CNTNAP4: variants seen among roughly 807,000 people sequenced by gnomAD.
The protein encoded by CNTNAP4 is contactin associated protein family member 4.
Under a neutral mutation model 148.4 loss-of-function variants are expected in CNTNAP4, and 98 were observed. The observed-to-expected ratio is 0.66, with a 90% CI of 0.56 to 0.78. The LOEUF is 0.78. Among genes scored for constraint, CNTNAP4 ranks in the 30% least tolerant of loss-of-function variants. CNTNAP4 has a pLI of 0.00. For missense variants in CNTNAP4, 1,935 were observed against 1,565.6 expected, an observed-to-expected ratio of 1.24 and a Z score of -3.98; for synonymous variants, 730 against 565.1, an observed-to-expected ratio of 1.29 and a Z score of -4.14.
intron 3 of CNTNAP4, among the ~76,000 whole-genome samples, chr16:76,366,418 A>G (rs1196575840): frequency 6.6e-6 from 1 of 152,334 alleles, no homozygotes; most frequent in East Asian, 1.9e-4. Context: ...TTTGCTAATG[A>G]TAATGGCCTC....
At chr16:76,537,710 CCTAA>C (rs908245552) in intron 18 of CNTNAP4, among the ~76,000 whole-genome samples, 2 of 152,078 alleles carry the variant, frequency 1.3e-5, no homozygotes, top group Non-Finnish European at 1.5e-5. Context: ...ATCCTTCCTT[CCTAA>C]CTATTTTGTA....
chr16:76,317,300 A>C lies in CNTNAP4; in HGVS notation c.196+777A>C, dbSNP rs890299774. 2.5e-3 allele frequency among the ~76,000 whole-genome samples: 292 copies of C among 118,780 alleles called. 6 individuals carry two copies. The highest frequency in any genetic ancestry group is 7.9e-3 in the African/African-American group (270 of 34,384). 77.9% of individuals were successfully genotyped at this position (118,780 alleles called of 152,430 possible). A position where few individuals can be genotyped will look rare whatever the true frequency, so the allele number is the denominator to read the frequency against. ...AACCAAAAAAAAAAAAACCCAAAAA[A>C]CCCCCCAAAAAAAAAAACTCAGTTC... On this transcript the variant is annotated intron_variant, in intron 2 of 23. Transcript: ENST00000611870.
At chr16:76,410,994 C>T (rs898574021) in intron 3 of CNTNAP4, among the ~76,000 whole-genome samples, 7 of 151,314 alleles carry the variant, frequency 4.6e-5, no homozygotes, top group Non-Finnish European at 8.9e-5. Flanking sequence ...GTCTAATGTA[C>T]ATCACAATAT....
In CNTNAP4 at chr16:76,558,492, C is replaced by T. The variant is rs750628593; in HGVS notation, c.3736C>T (p.Leu1246=). The T allele has an allele frequency of 6.3e-7, 1 of 1,578,514 alleles. No homozygotes were observed. Among genetic ancestry groups the T allele is most frequent in the Non-Finnish European group, 8.7e-7 (1 of 1,149,512 alleles). ...IKSDSAVIGG[L]IAVVIFILLC... Reference sequence around the variant, plus strand: ...TTATATTTCTTTTCTCTCTCTAGGTCTGATAGCTGTTGTGATTTTTATCTT... The same window carrying T: ...TTATATTTCTTTTCTCTCTCTAGGTTTGATAGCTGTTGTGATTTTTATCTT... Residue 1246 remains leucine (L), a splice_region_variant and synonymous_variant, in exon 24 of 24, where the codon CTG becomes TTG. Transcript: ENST00000611870.
At chr16:76,344,115 A>G (rs1387857238) in intron 2 of CNTNAP4, among the ~76,000 whole-genome samples, 1 of 152,214 alleles carries the variant, frequency 6.6e-6, no homozygotes, top group South Asian at 2.1e-4. Context: ...CCACCCTATC[A>G]GTCTATTGTA....
chr16:76,540,885 G>C, intron 21 of CNTNAP4, 95 bp downstream of exon 21: 1 of 786,060 alleles, frequency 1.3e-6, no homozygotes, highest in Admixed American at 2.3e-5. Flanking sequence ...ACTTCGTCAT[G>C]GCAAAGGAAA....
chr16:76,373,203 A>G (rs1312391197), intron 3 of CNTNAP4, among the ~76,000 whole-genome samples: 2 of 151,748 alleles, frequency 1.3e-5, no homozygotes, highest in South Asian at 4.2e-4. Context: ...AAATAGGTGA[A>G]TATATTCCAC....
intron 3 of CNTNAP4, among the ~76,000 whole-genome samples, chr16:76,391,025 T>G (rs1263955659): frequency 6.6e-6 from 1 of 152,138 alleles, no homozygotes; most frequent in Non-Finnish European, 1.5e-5. Context: ...CCAATTACAA[T>G]CTTTAAGTTA....
At chr16:76,337,892 C>T (rs1964152471) in intron 2 of CNTNAP4, among the ~76,000 whole-genome samples, 2 of 152,196 alleles carry the variant, frequency 1.3e-5, no homozygotes, top group African/African-American at 4.8e-5. Flanking sequence ...TTCTGCCTGA[C>T]CCCGCAGGCA....
chr16:76,453,403 A>G (rs2080594497), intron 8 of CNTNAP4, among the ~76,000 whole-genome samples: 1 of 152,190 alleles, frequency 6.6e-6, no homozygotes, highest in Non-Finnish European at 1.5e-5. Flanking sequence ...CTATATGAGT[A>G]TCTGGATAAT....
At chr16:76,384,207 C>G (rs1416154003) in intron 3 of CNTNAP4, among the ~76,000 whole-genome samples, 1 of 151,914 alleles carries the variant, frequency 6.6e-6, no homozygotes, top group East Asian at 1.9e-4. Flanking sequence ...CCATGCCTGG[C>G]TAATTTTTGT....
At chr16:76,456,992 G>A (rs2080758173) in intron 8 of CNTNAP4, among the ~76,000 whole-genome samples, 1 of 152,144 alleles carries the variant, frequency 6.6e-6, no homozygotes, top group African/African-American at 2.4e-5. Flanking sequence ...TTTGTTATAA[G>A]TAATACCTCA....
intron 3 of CNTNAP4, among the ~76,000 whole-genome samples, chr16:76,420,151 C>T (rs990592966): frequency 5.3e-5 from 4 of 75,948 alleles, no homozygotes; most frequent in Non-Finnish European, 1.5e-4. Flanking sequence ...GAGATGGGTA[C>T]TGTGTGTGTG....
In CNTNAP4 at chr16:76,378,817, T is replaced by C. The variant is rs536442136; in HGVS notation, c.390+23306T>C. Among the ~76,000 whole-genome samples, 8 of 152,288 alleles carry C rather than the reference T, an allele frequency of 5.3e-5. No individual in the cohort carries two copies. In the South Asian group the frequency reaches 1.7e-3, roughly 32 times the overall value. On this transcript the variant is annotated intron_variant, in intron 3 of 23. Transcript: ENST00000611870. ...TGAGGGAGAAAACCCGGCCCAGCTG[T>C]TCTCACCTAGGGTCGGCCAAGAGGA...
At chr16:76,466,268 T>C (rs938595754) in intron 9 of CNTNAP4, among the ~76,000 whole-genome samples, 6 of 152,106 alleles carry the variant, frequency 3.9e-5, no homozygotes, top group Admixed American at 2.6e-4. Flanking sequence ...GGAAGGGTAG[T>C]GGAGTTTGGG....
intron 1 of CNTNAP4, among the ~76,000 whole-genome samples, chr16:76,307,395 T>C (rs1027047061): frequency 1.3e-5 from 2 of 151,390 alleles, no homozygotes; most frequent in African/African-American, 4.9e-5. Context: ...GGAGACTAAA[T>C]TGATATTATC....
At chr16:76,290,519 T>C (rs1192939645) in intron 1 of CNTNAP4, among the ~76,000 whole-genome samples, 1 of 152,160 alleles carries the variant, frequency 6.6e-6, no homozygotes, top group Non-Finnish European at 1.5e-5. Flanking sequence ...CTCCTCTGAG[T>C]GTACACTGTC....
In CNTNAP4 at chr16:76,553,507, T is replaced by G. The variant is rs374684746; in HGVS notation, c.3661+6T>G. ...AAGGACACACTCGTTTGCAGGTGAC[T>G]TAGAGTTCTTCCTCTACTCAGTCAC... On this transcript the variant is annotated splice_donor_region_variant and intron_variant, in intron 22 of 23. Transcript: ENST00000611870. 4.4e-6 allele frequency: 7 copies of G among 1,595,254 alleles called. No homozygotes were observed. The highest frequency in any genetic ancestry group is 1.3e-5 in the African/African-American group (1 of 74,720).
rs186371165 is a variant in CNTNAP4 at position 76,309,914 on chromosome 16, C to T, written c.86-6499C>T. ...TCCCAGCTATGTGGAACTGTGAGTC[C>T]GGTTAAGTCTCTTTTTCTTCCCCGT... On this transcript the variant is annotated intron_variant, in intron 1 of 23. Coordinates refer to ENST00000611870, the MANE Select transcript of CNTNAP4 (RefSeq NM_033401.5). 1.8e-3 allele frequency: 1,231 copies of T among 701,780 alleles called. 3 individuals are homozygous for T. The highest frequency in any genetic ancestry group is 2.7e-3 in the Non-Finnish European group (1,047 of 384,630). The allele number at this position is 701,780 out of a possible 1,614,324, so 43.5% of individuals were successfully genotyped here.
Sources: allele counts gnomAD v4.1 joint callset (sites outside exome capture counted in the v4.1 genomes callset), GRCh38; gene constraint gnomAD v4.1.1; transcripts MANE v1.5; gene names NCBI Gene and HGNC (gene_info 2026-07-23, HGNC 2026-07-21).